Variants in PPP2CA observed in about 807,000 individuals in gnomAD.
PPP2CA encodes protein phosphatase 2 catalytic subunit alpha.
A neutral mutation model predicts 38.8 loss-of-function variants in PPP2CA; 5 were observed. The observed-to-expected ratio is 0.13, with a 90% CI of 0.07 to 0.27. The LOEUF is 0.27. Ranked by LOEUF, PPP2CA falls within the 10% of genes least tolerant of loss-of-function variation. The pLI, the probability that PPP2CA is intolerant of heterozygous loss-of-function variation, is 1.00. For synonymous variants in PPP2CA, 152 were observed against 134.0 expected, an observed-to-expected ratio of 1.13 and a Z score of -0.93; for missense variants, 88 against 389.7, an observed-to-expected ratio of 0.23 and a Z score of 6.52.
chr5:134,201,405 G>A (rs1186461797), intron 3 of PPP2CA, among the ~76,000 whole-genome samples: 3 of 152,114 alleles, frequency 2.0e-5, no homozygotes, highest in East Asian at 3.8e-4. Context: ...ATAGACCATC[G>A]CTGTCACAAC....
At chr5:134,210,744 C>T (rs1220629046) in intron 1 of PPP2CA, among the ~76,000 whole-genome samples, 1 of 152,024 alleles carries the variant, frequency 6.6e-6, no homozygotes, top group Non-Finnish European at 1.5e-5. Flanking sequence ...GAGGCAGGGG[C>T]ATCACTTGAA....
intron 2 of PPP2CA, among the ~76,000 whole-genome samples, chr5:134,202,641 A>C (rs1761992070): frequency 6.6e-6 from 1 of 152,218 alleles, no homozygotes; most frequent in African/African-American, 2.4e-5. Flanking sequence ...ATGAACTGGC[A>C]ATTATGTTAC....
intron 2 of PPP2CA, among the ~76,000 whole-genome samples, chr5:134,205,055 C>A (rs1762049569): frequency 6.6e-6 from 1 of 151,582 alleles, no homozygotes; most frequent in Non-Finnish European, 1.5e-5. Context: ...CCCACCTCAG[C>A]CTGAGTAGCT....
Position 134,200,447 on chromosome 5 carries a change from C to T in PPP2CA, c.626G>A (p.Trp209Ter). The T allele has an allele frequency of 6.2e-7, 1 of 1,614,144 alleles. No homozygotes were observed. The highest frequency in any genetic ancestry group is 8.5e-7 in the Non-Finnish European group (1 of 1,180,016). Reference protein sequence around the residue: ...LWSDPDDRGGWGISPRGAGYT... With the variant: ...LWSDPDDRGG ...ACCAGCTCCTCGAGGAGATATACCCCAACCACCACGGTCATCTGGATCTGA... is the reference window on the plus strand; with the variant it reads ...ACCAGCTCCTCGAGGAGATATACCCTAACCACCACGGTCATCTGGATCTGA... Residue 209 changes from tryptophan to a stop codon, truncating the protein, a stop_gained, in exon 5 of 7, where the codon TGG becomes TAG. Transcript: ENST00000481195. LOFTEE classifies it high-confidence loss of function.
chr5:134,211,881 G>A (rs966402024), intron 1 of PPP2CA, among the ~76,000 whole-genome samples: 6 of 152,094 alleles, frequency 3.9e-5, no homozygotes, highest in Admixed American at 3.3e-4. Context: ...ACTATGGGAT[G>A]CCAAGGCGGA....
At chr5:134,219,534 A>G (rs959800230) in intron 1 of PPP2CA, among the ~76,000 whole-genome samples, 1 of 152,238 alleles carries the variant, frequency 6.6e-6, no homozygotes, top group African/African-American at 2.4e-5. Context: ...TAGCAACTAA[A>G]TGACTAAACT....
intron 1 of PPP2CA, among the ~76,000 whole-genome samples, chr5:134,224,081 C>T (rs1310828025): frequency 6.6e-6 from 1 of 152,182 alleles, no homozygotes; most frequent in African/African-American, 2.4e-5. Context: ...CCCTCCTTTC[C>T]ACGTTTTCTT....
Position 134,205,955 on chromosome 5 carries a change from T to G in PPP2CA, c.279A>C (p.Ser93=). 6.2e-7 allele frequency: 1 copy of G among 1,614,126 alleles called. No homozygotes were observed. Among genetic ancestry groups the G allele is most frequent in the Non-Finnish European group, 8.5e-7 (1 of 1,179,970 alleles). Residue 93 remains serine, a synonymous_variant, in exon 2 of 7, where the codon TCA becomes TCC. Transcript: ENST00000481195. The part of the protein sequence containing the change: ...MGDYVDRGYY[S]VETVTLLVAL... ...CTACAAGCAGTGTAACTGTTTCAAC[T>G]GAATAATATCCTCTGTCAACATAAT...
intron 1 of PPP2CA, among the ~76,000 whole-genome samples, chr5:134,208,942 C>T (rs1762142883): frequency 6.6e-6 from 1 of 152,140 alleles, no homozygotes; most frequent in Non-Finnish European, 1.5e-5. Flanking sequence ...TGACCAATTA[C>T]AATGGCAGAG....
chr5:134,208,865 T>C (rs1337863417), intron 1 of PPP2CA, among the ~76,000 whole-genome samples: 3 of 152,218 alleles, frequency 2.0e-5, no homozygotes, highest in Non-Finnish European at 2.9e-5. Flanking sequence ...TCTAACAATA[T>C]ATAATAATAC....
intron 1 of PPP2CA, among the ~76,000 whole-genome samples, chr5:134,214,007 T>C (rs945479163): frequency 7.9e-5 from 12 of 151,872 alleles, no homozygotes; most frequent in African/African-American, 2.9e-4. Context: ...CACAGGCCTG[T>C]AATCCCAGCT....
In PPP2CA at chr5:134,194,838, C is replaced by CCTCG; in HGVS notation, c.*2933_*2934insCGAG. On this transcript the variant is annotated 3_prime_UTR_variant, in exon 7 of 7. Coordinates refer to ENST00000481195, the MANE Select transcript of PPP2CA (RefSeq NM_002715.4). ...GGCCAGGCTGGTCTCGATCTCCTGA[C>CCTCG]ATCAGGTGATCCACCCACCCCGGCC... 1 of 152,168 alleles carries CCTCG rather than the reference C, an allele frequency of 6.6e-6. No homozygotes were observed. Among genetic ancestry groups the CCTCG allele is most frequent in the African/African-American group, 2.4e-5 (1 of 41,402 alleles). 9.4% of individuals were successfully genotyped at this position (152,168 alleles called of 1,614,324 possible).
chr5:134,206,499 C>CT (rs368617172), intron 1 of PPP2CA, among the ~76,000 whole-genome samples: 187 of 151,668 alleles, frequency 1.2e-3, no homozygotes, highest in African/African-American at 4.2e-3. Flanking sequence ...CTCAAAGATT[C>CT]TTTTTTTTTC....
At position 134,201,080 on chromosome 5, in the gene PPP2CA, AAG is replaced by A; in HGVS notation, c.487-8_487-7del. 1 of 1,604,202 alleles carries A rather than the reference AAG, an allele frequency of 6.2e-7. No homozygotes were observed. Among genetic ancestry groups the A allele is most frequent in the Non-Finnish European group, 8.5e-7 (1 of 1,170,968 alleles). On this transcript the variant is annotated splice_polypyrimidine_tract_variant and splice_region_variant and intron_variant, in intron 3 of 6. Coordinates refer to ENST00000481195, the MANE Select transcript of PPP2CA (RefSeq NM_002715.4). ...CCACCATGTAGACAGAAGATCTGAA[AAG>A]AGTGGTTTAAAAGGTTAACCTCACC...
At chr5:134,213,028 A>G (rs181474987) in intron 1 of PPP2CA, among the ~76,000 whole-genome samples, 133 of 149,678 alleles carry the variant, frequency 8.9e-4, no homozygotes, top group Non-Finnish European at 1.7e-3. Context: ...TATAAAAACT[A>G]CAACAAGTTT....
chr5:134,209,984 AG>A (rs1554112927), intron 1 of PPP2CA, among the ~76,000 whole-genome samples: 2 of 152,116 alleles, frequency 1.3e-5, no homozygotes, highest in Non-Finnish European at 2.9e-5. Flanking sequence ...AGGCTGAGCT[AG>A]GAGAATCGCT....
At chr5:134,211,277 A>G (rs1205540006) in intron 1 of PPP2CA, among the ~76,000 whole-genome samples, 1 of 152,014 alleles carries the variant, frequency 6.6e-6, no homozygotes, top group Non-Finnish European at 1.5e-5. Context: ...ATGTCCTCTC[A>G]GCATTCTGGT....
chr5:134,200,313 T>C (rs1016796579), intron 5 of PPP2CA, 22 bp downstream of exon 5: 6 of 1,570,264 alleles, frequency 3.8e-6, no homozygotes, highest in Admixed American at 3.9e-5. Flanking sequence ...AAACAAGTCA[T>C]ATTTCAGAGA....
chr5:134,209,473 A>G (rs964764604), intron 1 of PPP2CA, among the ~76,000 whole-genome samples: 3 of 152,238 alleles, frequency 2.0e-5, no homozygotes, highest in Non-Finnish European at 4.4e-5. Flanking sequence ...ACAGATGTTC[A>G]TATAAAAGAT....
Sources: allele counts gnomAD v4.1 joint callset (sites outside exome capture counted in the v4.1 genomes callset), GRCh38; gene constraint gnomAD v4.1.1; transcripts MANE v1.5; gene names NCBI Gene and HGNC (gene_info 2026-07-23, HGNC 2026-07-21).